CTNNA2: variants seen among roughly 807,000 people sequenced by gnomAD.
The protein encoded by CTNNA2 is catenin alpha 2.
Under a neutral mutation model 101.0 loss-of-function variants are expected in CTNNA2, and 42 were observed. The ratio of observed to expected loss-of-function variants is 0.42; its 90% confidence interval spans 0.32 to 0.54. The LOEUF (loss-of-function observed/expected upper bound fraction) is 0.54, where lower values mean the gene tolerates loss of function less well. CTNNA2 is among the 20% of genes least tolerant of loss of function. CTNNA2 has a pLI of 0.14. For synonymous variants in CTNNA2, 450 were observed against 456.4 expected (o/e 0.99, Z 0.18); for missense variants, 871 against 1,223.1 (o/e 0.71, Z 4.29).
At chr2:80,557,011 T>C (rs933955077) in intron 12 of CTNNA2, among the ~76,000 whole-genome samples, 6 of 152,210 alleles carry the variant, frequency 3.9e-5, no homozygotes, top group African/African-American at 1.4e-4. Flanking sequence ...AAAAGATTAT[T>C]TACAAAGAGT....
chr2:79,745,094 T>G (rs1671548509), intron 3 of CTNNA2, among the ~76,000 whole-genome samples: 1 of 152,192 alleles, frequency 6.6e-6, no homozygotes, highest in African/African-American at 2.4e-5. Context: ...TACTGTTGAT[T>G]TAGCATTTTA....
At chr2:79,801,159 C>T (rs1574002054) in intron 3 of CTNNA2, among the ~76,000 whole-genome samples, 1 of 152,112 alleles carries the variant, frequency 6.6e-6, no homozygotes. Context: ...TTTTCAAAAA[C>T]GTTGAGAGAA....
At chr2:79,197,713 A>G (rs1673979649) in intron 1 of CTNNA2, among the ~76,000 whole-genome samples, 1 of 152,238 alleles carries the variant, frequency 6.6e-6, no homozygotes, top group African/African-American at 2.4e-5. Context: ...CCATGCATCC[A>G]TGATTACCTA....
chr2:80,314,563 T>G (rs557924894), intron 7 of CTNNA2, among the ~76,000 whole-genome samples: 1 of 152,228 alleles, frequency 6.6e-6, no homozygotes, highest in South Asian at 2.1e-4. Flanking sequence ...GTGGAAGAGA[T>G]AAAATATGGT....
intron 2 of CTNNA2, among the ~76,000 whole-genome samples, chr2:79,739,081 T>C (rs1479656294): frequency 6.6e-6 from 1 of 150,824 alleles, no homozygotes; most frequent in Non-Finnish European, 1.5e-5. Context: ...GTTTTTTTTT[T>C]TTTTCTTTTT....
chr2:80,364,382 CT>C (rs1162068067), intron 7 of CTNNA2, among the ~76,000 whole-genome samples: 2 of 151,936 alleles, frequency 1.3e-5, no homozygotes, highest in East Asian at 3.9e-4. Context: ...CTCTTTTCTC[CT>C]TTCCCTTTTT....
At chr2:79,994,283 C>T (rs1031080434) in intron 7 of CTNNA2, among the ~76,000 whole-genome samples, 43 of 152,194 alleles carry the variant, frequency 2.8e-4, no homozygotes, top group African/African-American at 1.0e-3. Flanking sequence ...GAGCCACAGA[C>T]CCGTCCTGGG....
chr2:79,371,144 A>AT (rs1553405959), intron 3 of CTNNA2, among the ~76,000 whole-genome samples: 5 of 151,686 alleles, frequency 3.3e-5, no homozygotes, highest in Admixed American at 2.6e-4. Flanking sequence ...CCTGGGGAAG[A>AT]GGGGAGGGGT....
chr2:79,299,731 T>G (rs1676064364), intron 2 of CTNNA2, among the ~76,000 whole-genome samples: 1 of 152,178 alleles, frequency 6.6e-6, no homozygotes, highest in African/African-American at 2.4e-5. Context: ...ACACTGAGGA[T>G]TTATTGACTC....
chr2:80,419,683 A>G (rs1191927042), intron 9 of CTNNA2, 82 bp downstream of exon 9: 4 of 1,383,836 alleles, frequency 2.9e-6, no homozygotes, highest in Non-Finnish European at 4.0e-6. Context: ...CACTAGAGAG[A>G]TATTCTATTG....
At chr2:80,127,709 A>G (rs1376495741) in intron 7 of CTNNA2, among the ~76,000 whole-genome samples, 1 of 152,186 alleles carries the variant, frequency 6.6e-6, no homozygotes, top group Non-Finnish European at 1.5e-5. Context: ...TGATTTGAAA[A>G]GGAGATTGCA....
chr2:80,326,736 A>G (rs908198620), intron 7 of CTNNA2, among the ~76,000 whole-genome samples: 1 of 152,194 alleles, frequency 6.6e-6, no homozygotes, highest in Non-Finnish European at 1.5e-5. Context: ...AATCTTCAAA[A>G]GAAACAAAAT....
At chr2:80,409,548 T>C (rs1679375874) in intron 8 of CTNNA2, among the ~76,000 whole-genome samples, 1 of 152,162 alleles carries the variant, frequency 6.6e-6, no homozygotes, top group Non-Finnish European at 1.5e-5. Flanking sequence ...TGTTTTCTTC[T>C]GTATCCCTGG....
intron 7 of CTNNA2, among the ~76,000 whole-genome samples, chr2:80,372,186 G>T (rs531129534): frequency 6.6e-6 from 1 of 152,162 alleles, no homozygotes; most frequent in Non-Finnish European, 1.5e-5. Context: ...GATATTTGAG[G>T]ACTCTCAAAC....
intron 7 of CTNNA2, among the ~76,000 whole-genome samples, chr2:80,128,837 A>T (rs887402453): frequency 1.3e-5 from 2 of 152,126 alleles, no homozygotes; most frequent in Non-Finnish European, 1.5e-5. Flanking sequence ...TCACCAGGCC[A>T]TTTTCAAGTG....
In CTNNA2 at chr2:80,640,051, G is replaced by A. The variant is rs527981580; in HGVS notation, c.2575-7534G>A. Among the ~76,000 whole-genome samples the A allele has an allele frequency of 3.2e-3, 483 of 152,074 alleles. 1 individual carries two copies. The highest frequency in any genetic ancestry group is 0.011 in the African/African-American group (448 of 41,484). On this transcript the variant is annotated intron_variant, in intron 18 of 18. Coordinates refer to ENST00000402739, the MANE Select transcript of CTNNA2 (RefSeq NM_001282597.3). ...CGGTAGGCGGAGGTTGCAGTGAGCC[G>A]AGATTGTGCCACTGCACTCCAGCCT...
chr2:80,262,621 C>G (rs1311169330), intron 7 of CTNNA2, among the ~76,000 whole-genome samples: 1 of 148,190 alleles, frequency 6.7e-6, no homozygotes, highest in Non-Finnish European at 1.5e-5. Flanking sequence ...CCCTTTTCTC[C>G]TTGGATCTAC....
chr2:79,529,326 CAT>C (rs1395309824), intron 1 of CTNNA2, among the ~76,000 whole-genome samples: 3 of 152,288 alleles, frequency 2.0e-5, no homozygotes, highest in South Asian at 2.1e-4. Context: ...AACGTTATCA[CAT>C]GTCTTCTTGT....
At chr2:80,213,730 C>G (rs935723665) in intron 7 of CTNNA2, among the ~76,000 whole-genome samples, 3 of 152,180 alleles carry the variant, frequency 2.0e-5, no homozygotes, top group Admixed American at 6.5e-5. Flanking sequence ...TCTATTAGGT[C>G]TGCTTGGTGC....
Sources: gnomAD v4.1 joint callset for allele counts (sites outside exome capture counted in the v4.1 genomes callset) on GRCh38, gnomAD v4.1.1 for gene constraint, MANE v1.5 for transcripts, NCBI Gene and HGNC (gene_info 2026-07-23, HGNC 2026-07-21) for gene names.